The following KAZN variants were observed in gnomAD, a reference collection of about 807,000 sequenced individuals.
KAZN encodes the protein kazrin.
Under a neutral mutation model 87.4 loss-of-function variants are expected in KAZN, and 40 were observed. The observed-to-expected ratio is 0.46, with a 90% CI of 0.36 to 0.60. KAZN has a LOEUF of 0.60. Ranked by LOEUF, KAZN falls within the 20% of genes least tolerant of loss-of-function variation. The pLI, the probability that KAZN is intolerant of heterozygous loss-of-function variation, is 0.00. For missense variants in KAZN, 898 were observed against 1,073.9 expected, an observed-to-expected ratio of 0.84 and a Z score of 2.29; for synonymous variants, 466 against 458.3, an observed-to-expected ratio of 1.02 and a Z score of -0.22.
At chr1:13,908,453 T>C (rs1325323294) in intron 1 of KAZN, among the ~76,000 whole-genome samples, 2 of 152,178 alleles carry the variant, frequency 1.3e-5, no homozygotes, top group African/African-American at 4.8e-5. Context: ...CCAGCCTAAA[T>C]AGCTAATTCC....
chr1:14,064,724 G>C (rs894701937), intron 1 of KAZN, among the ~76,000 whole-genome samples: 2 of 152,216 alleles, frequency 1.3e-5, no homozygotes, highest in African/African-American at 4.8e-5. Flanking sequence ...GGCAAACATG[G>C]ACAATGCTGG....
At chr1:14,710,012 T>C (rs910259275) in intron 1 of KAZN, among the ~76,000 whole-genome samples, 1 of 152,154 alleles carries the variant, frequency 6.6e-6, no homozygotes, top group South Asian at 2.1e-4. Flanking sequence ...TCACGTGTCA[T>C]ACGCCGTCAC....
chr1:14,798,974 G>A (rs2100727548), intron 1 of KAZN, among the ~76,000 whole-genome samples: 1 of 151,868 alleles, frequency 6.6e-6, no homozygotes, highest in South Asian at 2.1e-4. Flanking sequence ...ATGGGGTTTT[G>A]CCAGGTTGCC....
intron 1 of KAZN, among the ~76,000 whole-genome samples, chr1:14,945,522 A>G (rs555292609): frequency 6.6e-6 from 1 of 152,212 alleles, no homozygotes; most frequent in Non-Finnish European, 1.5e-5. Context: ...ACTGGCGGCC[A>G]GTCTGTCCTC....
intron 2 of KAZN, among the ~76,000 whole-genome samples, chr1:14,419,829 C>T (rs1038422320): frequency 2.0e-5 from 3 of 152,020 alleles, no homozygotes; most frequent in Admixed American, 6.6e-5. Flanking sequence ...TCGCTGGTCT[C>T]GGAAGTGAAG....
chr1:14,947,255 G>C (rs551305847), intron 1 of KAZN, among the ~76,000 whole-genome samples: 36 of 152,284 alleles, frequency 2.4e-4, no homozygotes, highest in African/African-American at 7.7e-4. Context: ...TTGGGGTGTT[G>C]GTAATTTTTT....
At chr1:14,557,175 A>G (rs1673935651) in intron 2 of KAZN, among the ~76,000 whole-genome samples, 1 of 152,200 alleles carries the variant, frequency 6.6e-6, no homozygotes, top group South Asian at 2.1e-4. Flanking sequence ...GAAAAATATG[A>G]TACAAAAAAA....
intron 2 of KAZN, among the ~76,000 whole-genome samples, chr1:14,211,893 G>T (rs1467368797): frequency 6.6e-6 from 1 of 151,924 alleles, no homozygotes; most frequent in African/African-American, 2.4e-5. Context: ...AGGCAGGCAA[G>T]CTCCTTGGTG....
chr1:15,017,257 C>T (rs1360381892), intron 2 of KAZN, among the ~76,000 whole-genome samples: 5 of 152,004 alleles, frequency 3.3e-5, no homozygotes. Flanking sequence ...GAGATCACAC[C>T]ACTGCACTCC....
chr1:14,830,429 C>T (rs1037556044), intron 1 of KAZN, among the ~76,000 whole-genome samples: 1 of 152,156 alleles, frequency 6.6e-6, no homozygotes, highest in Non-Finnish European at 1.5e-5. Flanking sequence ...GTCAGGTGCC[C>T]AGCCCTCAGG....
intron 1 of KAZN, among the ~76,000 whole-genome samples, chr1:14,126,153 A>C (rs1450532979): frequency 1.3e-5 from 2 of 152,116 alleles, no homozygotes; most frequent in Non-Finnish European, 2.9e-5. Context: ...TGGTGGAGCA[A>C]AGTGAAGCTA....
chr1:14,096,236 C>T (rs1644124292), intron 1 of KAZN, among the ~76,000 whole-genome samples: 1 of 151,882 alleles, frequency 6.6e-6, no homozygotes, highest in African/African-American at 2.4e-5. Context: ...AGAAACAGTC[C>T]CATAAAAGTG....
intron 2 of KAZN, among the ~76,000 whole-genome samples, chr1:14,987,342 A>C (rs919774283): frequency 6.6e-6 from 1 of 152,062 alleles, no homozygotes; most frequent in Non-Finnish European, 1.5e-5. Flanking sequence ...AAGATACTAA[A>C]AATTAGCCGA....
chr1:14,247,867 C>T (rs1023888413), intron 2 of KAZN, among the ~76,000 whole-genome samples: 2 of 152,012 alleles, frequency 1.3e-5, no homozygotes, highest in Non-Finnish European at 2.9e-5. Flanking sequence ...TGTACGCTGG[C>T]AGGCCAAACA....
At chr1:15,103,837 A>G (rs1282949278) in intron 12 of KAZN, among the ~76,000 whole-genome samples, 186 bp from the exon 13 acceptor site, 2 of 152,194 alleles carry the variant, frequency 1.3e-5, no homozygotes, top group Admixed American at 1.3e-4. Flanking sequence ...CCATCTCAGT[A>G]ACAGGAGGTC....
At chr1:14,026,700 C>G (rs4662075) in intron 1 of KAZN, among the ~76,000 whole-genome samples, 79,139 of 152,044 alleles carry the variant, frequency 0.52, 22,990 homozygotes, top group Admixed American at 0.69. Flanking sequence ...AATAGATCTG[C>G]ACTGAGGTCT....
chr1:14,412,314 C>T (rs1429818210), intron 2 of KAZN, among the ~76,000 whole-genome samples: 1 of 152,050 alleles, frequency 6.6e-6, no homozygotes, highest in Non-Finnish European at 1.5e-5. Flanking sequence ...ATAAGAACAA[C>T]CAAAATAAAA....
intron 2 of KAZN, among the ~76,000 whole-genome samples, chr1:14,514,435 AAT>A (rs1354897965): frequency 1.4e-4 from 3 of 20,902 alleles, no homozygotes; most frequent in African/African-American, 2.9e-4. Context: ...TAATATATAT[AAT>A]TGCAAAATAT....
At chr1:14,403,934 C>CAG (rs35516841) in intron 2 of KAZN, among the ~76,000 whole-genome samples, 103,969 of 151,800 alleles carry the variant, frequency 0.68, 35,949 homozygotes, top group African/African-American at 0.75. Flanking sequence ...GGTCTCTGCG[C>CAG]AGAGAGGTCC....
Sources: allele counts gnomAD v4.1 joint callset (sites outside exome capture counted in the v4.1 genomes callset), GRCh38; gene constraint gnomAD v4.1.1; transcripts MANE v1.5; gene names NCBI Gene and HGNC (gene_info 2026-07-23, HGNC 2026-07-21).